CD9: variants seen among roughly 807,000 people sequenced by gnomAD.
The protein encoded by CD9 is CD9 antigen.
A neutral mutation model predicts 31.4 loss-of-function variants in CD9; 10 were observed. That is an observed-to-expected ratio of 0.32 (90% CI 0.20 to 0.54). The LOEUF is 0.54. Among genes scored for constraint, CD9 ranks in the 20% least tolerant of loss-of-function variants. The pLI is 0.94. For missense variants in CD9, 259 were observed against 300.1 expected, an observed-to-expected ratio of 0.86 and a Z score of 1.01; for synonymous variants, 113 against 114.1, an observed-to-expected ratio of 0.99 and a Z score of 0.06.
In CD9 at chr12:6,200,889, C is replaced by G. The variant is rs936587372; in HGVS notation, c.66+324C>G. 2.2e-5 allele frequency: 6 copies of G among 268,430 alleles called. 1 individual carries two copies. The highest frequency in any genetic ancestry group is 1.1e-3 in the Middle Eastern group (1 of 936). 16.6% of individuals were successfully genotyped at this position (268,430 alleles called of 1,614,324 possible). A position where few individuals can be genotyped will look rare whatever the true frequency, so the allele number is the denominator to read the frequency against. ...TTTGAGCTGGGGTGTGTGTCTGCTC[C>G]CAGCTCAAGTCCCTCCGAGTGCCAG... On this transcript the variant is annotated intron_variant, in intron 1 of 7. Coordinates refer to ENST00000009180, the MANE Select transcript of CD9 (RefSeq NM_001769.4).
At chr12:6,209,865 A>G (rs1189072635) in intron 1 of CD9, among the ~76,000 whole-genome samples, 1 of 151,808 alleles carries the variant, frequency 6.6e-6, no homozygotes, top group Non-Finnish European at 1.5e-5. Context: ...TTGTGTTTTT[A>G]GTAGAGATGG....
intron 1 of CD9, among the ~76,000 whole-genome samples, chr12:6,210,226 G>T (rs546004335): frequency 6.6e-6 from 1 of 152,206 alleles, no homozygotes; most frequent in Non-Finnish European, 1.5e-5. Flanking sequence ...CTGTTTTCAC[G>T]GGGGATGGAA....
At chr12:6,236,040 C>T in intron 6 of CD9, 152 bp from the exon 7 acceptor site, 2 of 1,441,180 alleles carry the variant, frequency 1.4e-6, no homozygotes, top group East Asian at 2.5e-5. Context: ...TTTCCATCCA[C>T]CAGCCAGAAC....
chr12:6,221,204 C>A (rs190460196), intron 1 of CD9, among the ~76,000 whole-genome samples: 1 of 152,206 alleles, frequency 6.6e-6, no homozygotes, highest in Admixed American at 6.5e-5. Flanking sequence ...AGGGATGGAA[C>A]CATTTTTTGG....
In CD9 at chr12:6,206,454, G is replaced by C. The variant is rs142967271; in HGVS notation, c.66+5889G>C. ...GCCCAGGCTGGTCTCAAACTCCTAGGCTCAAGCGATCTGCCAACCTTGGCC... is the reference window on the plus strand; with the variant it reads ...GCCCAGGCTGGTCTCAAACTCCTAGCCTCAAGCGATCTGCCAACCTTGGCC... On this transcript the variant is annotated intron_variant, in intron 1 of 7. Coordinates refer to ENST00000009180, the MANE Select transcript of CD9 (RefSeq NM_001769.4). Among the ~76,000 whole-genome samples the C allele has an allele frequency of 2.0e-4, 31 of 152,178 alleles. 1 individual carries two copies. The East Asian group carries it at 5.0e-3, about 25-fold the overall frequency.
chr12:6,227,412 C>T (rs572857402), intron 2 of CD9, among the ~76,000 whole-genome samples: 2 of 152,180 alleles, frequency 1.3e-5, no homozygotes, highest in East Asian at 1.9e-4. Flanking sequence ...TGGTCAGGCT[C>T]GTCTCCAACT....
chr12:6,226,596 A>T (rs1158498847), intron 2 of CD9, among the ~76,000 whole-genome samples: 1 of 152,178 alleles, frequency 6.6e-6, no homozygotes, highest in Non-Finnish European at 1.5e-5. Flanking sequence ...GAGAGTCTTT[A>T]AAAACAGCTC....
chr12:6,232,245 G>T lies in CD9; in HGVS notation c.176-387G>T. The T allele has an allele frequency of 3.5e-6, 1 of 281,978 alleles. No individual in the cohort carries two copies. The highest frequency in any genetic ancestry group is 3.4e-5 in the South Asian group (1 of 29,824). The allele number at this position is 281,978 out of a possible 1,614,324, so 17.5% of individuals were successfully genotyped here. A position where few individuals can be genotyped will look rare whatever the true frequency, so the allele number is the denominator to read the frequency against. On this transcript the variant is annotated intron_variant, in intron 2 of 7. Coordinates refer to ENST00000009180, the MANE Select transcript of CD9 (RefSeq NM_001769.4). The surrounding 1 kb of genome is among the most constrained non-coding windows in gnomAD (Gnocchi z 4.8). ...CCCAGAAGTTAGCCAGAGTGTGGAAGGTATATGCTAACTAGCTTGAGTGGA... is the reference window on the plus strand; with the variant it reads ...CCCAGAAGTTAGCCAGAGTGTGGAATGTATATGCTAACTAGCTTGAGTGGA...
At chr12:6,209,679 C>CTTTTT (rs71064199) in intron 1 of CD9, among the ~76,000 whole-genome samples, 5 of 132,614 alleles carry the variant, frequency 3.8e-5, no homozygotes, top group African/African-American at 5.8e-5. Flanking sequence ...CTGCAAATTT[C>CTTTTT]TTTTTTTTTT....
At position 6,223,660 on chromosome 12, in the gene CD9, C is replaced by G. The variant is rs190562151; in HGVS notation, c.67-1766C>G. ...CGCCCAGTGTGTGCTTGTCTAGTCC[C>G]TTGTGTACGTGAATTCAAGCCACAT... On this transcript the variant is annotated intron_variant, in intron 1 of 7. Coordinates refer to ENST00000009180, the MANE Select transcript of CD9 (RefSeq NM_001769.4). Among the ~76,000 whole-genome samples the G allele has an allele frequency of 2.0e-5, 3 of 152,238 alleles. No individual in the cohort carries two copies. In the East Asian group the frequency reaches 5.8e-4, roughly 29 times the overall value.
At chr12:6,209,493 A>G (rs1946169214) in intron 1 of CD9, among the ~76,000 whole-genome samples, 1 of 152,146 alleles carries the variant, frequency 6.6e-6, no homozygotes, top group Non-Finnish European at 1.5e-5. Context: ...GGTGCAATGT[A>G]AACATCTTCT....
At chr12:6,225,760 G>A in intron 2 of CD9, 1 of 556,664 alleles carries the variant, frequency 1.8e-6, no homozygotes, top group Non-Finnish European at 3.2e-6. Context: ...GCCAAGTCAG[G>A]CATGTTGATG....
rs1565430637 is a variant in CD9 at position 6,236,177 on chromosome 12, G to A, written c.538-15G>A. 1.1e-5 allele frequency: 17 copies of A among 1,613,970 alleles called. No individual in the cohort carries two copies. The highest frequency in any genetic ancestry group is 1.4e-5 in the Non-Finnish European group (17 of 1,179,948). On this transcript the variant is annotated splice_polypyrimidine_tract_variant and intron_variant, in intron 6 of 7. Transcript: ENST00000009180. ...AGGATTGTGTGTGACCCAGGTCTTG[G>A]TTTGTCTCCCCAAGTCCTGTCCTGA...
intron 1 of CD9, among the ~76,000 whole-genome samples, chr12:6,207,202 C>T (rs1225376649): frequency 6.6e-6 from 1 of 152,150 alleles, no homozygotes; most frequent in East Asian, 1.9e-4. Context: ...CTATAAATGC[C>T]CCATATTGGT....
At chr12:6,200,701 C>T (rs1946065121) in intron 1 of CD9, 136 bp downstream of exon 1, 2 of 560,584 alleles carry the variant, frequency 3.6e-6, no homozygotes, top group Non-Finnish European at 6.3e-6. Flanking sequence ...AGAGAGCGCC[C>T]TGCGGCTGCC....
chr12:6,235,038 G>A (rs566739796), intron 4 of CD9, among the ~76,000 whole-genome samples, 191 bp from the exon 5 acceptor site: 5 of 152,352 alleles, frequency 3.3e-5, no homozygotes, highest in African/African-American at 9.6e-5. Flanking sequence ...GGATGTGGGA[G>A]GAGATGGGAA....
At chr12:6,211,002 A>AT (rs1409149575) in intron 1 of CD9, among the ~76,000 whole-genome samples, 1 of 151,602 alleles carries the variant, frequency 6.6e-6, no homozygotes, top group South Asian at 2.1e-4. Context: ...ATGCCTGGCT[A>AT]TTTTTTTATA....
intron 2 of CD9, among the ~76,000 whole-genome samples, chr12:6,229,491 A>G (rs915756593): frequency 6.6e-6 from 1 of 152,220 alleles, no homozygotes; most frequent in Non-Finnish European, 1.5e-5. Context: ...ATGGAATTCC[A>G]TTGTGGCACT....
chr12:6,234,786 T>G (rs1026521236), intron 4 of CD9, among the ~76,000 whole-genome samples: 4 of 152,252 alleles, frequency 2.6e-5, no homozygotes, highest in Non-Finnish European at 5.9e-5. Context: ...CTATGAGCTG[T>G]AGGGACAAAT....
Sources: gnomAD v4.1 joint callset for allele counts (sites outside exome capture counted in the v4.1 genomes callset) on GRCh38, gnomAD v4.1.1 for gene constraint, Gnocchi (gnomAD v3.1) non-coding constraint, MANE v1.5 for transcripts, NCBI Gene and HGNC (gene_info 2026-07-23, HGNC 2026-07-21) for gene names.